The following H6PD variants were observed in gnomAD, a reference collection of about 807,000 sequenced individuals.
H6PD encodes the protein hexose-6-phosphate dehydrogenase/glucose 1-dehydrogenase.
H6PD carries 48 observed loss-of-function variants against 61.2 expected under a neutral mutation model. The ratio of observed to expected loss-of-function variants is 0.78; its 90% CI spans 0.62 to 1.00. The LOEUF (loss-of-function observed/expected upper bound fraction) is 1.00. Among genes scored for constraint, H6PD ranks in the 50% least tolerant of loss-of-function variants. The probability of loss-of-function intolerance (pLI) is 0.00; values close to 1 mark genes in which losing one functional copy is unlikely to be tolerated. For synonymous variants in H6PD, 480 were observed against 457.9 expected (o/e 1.05, Z -0.62); for missense variants, 1,093 against 1,065.0 (o/e 1.03, Z -0.37).
rs1298666408 is a variant in H6PD at position 9,269,704 on chromosome 1, C to T, written c.*4835C>T. 2 of 152,228 alleles carry T rather than the reference C, an allele frequency of 1.3e-5. No homozygotes were observed. The highest frequency in any genetic ancestry group is 1.3e-4 in the Admixed American group (2 of 15,278). The allele number at this position is 152,228 out of a possible 1,614,324, so 9.4% of individuals were successfully genotyped here. A position where few individuals can be genotyped will look rare whatever the true frequency, so the allele number is the denominator to read the frequency against. On this transcript the variant is annotated 3_prime_UTR_variant, in exon 5 of 5. Transcript: ENST00000377403. The surrounding 1 kb of genome is among the most constrained non-coding windows in gnomAD (Gnocchi z 4.3). The stretch of plus-strand genomic sequence containing the variant: ...GGCAGTCTCCCTATAAAACAAAAAC[C>T]CCACCTTCTGTGCCTTCTGCTTTAG...
intron 1 of H6PD, among the ~76,000 whole-genome samples, chr1:9,237,217 G>C (rs1056207274): frequency 2.9e-5 from 4 of 136,812 alleles, no homozygotes; most frequent in Non-Finnish European, 6.3e-5. Flanking sequence ...CTTGACCTTT[G>C]GTAAGTTATT....
At position 9,271,324 on chromosome 1, in the gene H6PD, T is replaced by C. The variant is rs1191189591; in HGVS notation, c.*6455T>C. On this transcript the variant is annotated 3_prime_UTR_variant, in exon 5 of 5. Transcript: ENST00000377403. The stretch of plus-strand genomic sequence containing the variant: ...ACGTTTATTTTTTTAAACAATAAAA[T>C]TGATTTGCCAAAATCCGGGCTTTAA... 1 of 152,232 alleles carries C rather than the reference T, an allele frequency of 6.6e-6. No individual in the cohort carries two copies. Among genetic ancestry groups the C allele is most frequent in the Non-Finnish European group, 1.5e-5 (1 of 68,030 alleles). 9.4% of individuals were successfully genotyped at this position (152,232 alleles called of 1,614,324 possible). A position where few individuals can be genotyped will look rare whatever the true frequency, so the allele number is the denominator to read the frequency against.
chr1:9,244,824 G>T, intron 1 of H6PD, 101 bp from the exon 2 acceptor site: 1 of 1,055,294 alleles, frequency 9.5e-7, no homozygotes, highest in Admixed American at 1.7e-5. Flanking sequence ...GAAACACGTG[G>T]TGGTTTCTTG....
chr1:9,262,456 C>A, intron 4 of H6PD, 128 bp downstream of exon 4: 1 of 880,832 alleles, frequency 1.1e-6, no homozygotes, highest in Non-Finnish European at 1.8e-6. Flanking sequence ...TGCTCGGAGG[C>A]AAGGATGGCA....
At chr1:9,244,644 G>A (rs1016064554) in intron 1 of H6PD, among the ~76,000 whole-genome samples, 28 of 152,188 alleles carry the variant, frequency 1.8e-4, no homozygotes, top group African/African-American at 5.1e-4. Context: ...GGCCTTTGCC[G>A]CTTTCCTATG....
At chr1:9,253,170 C>T (rs1046010079) in intron 3 of H6PD, among the ~76,000 whole-genome samples, 7 of 152,124 alleles carry the variant, frequency 4.6e-5, no homozygotes, top group Admixed American at 2.6e-4. Flanking sequence ...TCTGAAAAGA[C>T]GGAGCCAACC....
At chr1:9,246,906 AG>A (rs1641191486) in intron 2 of H6PD, 59 bp from the exon 3 acceptor site, 1 of 1,180,350 alleles carries the variant, frequency 8.5e-7, no homozygotes, top group African/African-American at 1.5e-5. Context: ...CCCGGGAGTC[AG>A]GGTTCCTCCT....
At chr1:9,241,000 G>C in intron 1 of H6PD, among the ~76,000 whole-genome samples, 1 of 152,120 alleles carries the variant, frequency 6.6e-6, no homozygotes, top group Non-Finnish European at 1.5e-5. Flanking sequence ...AGGGCAGCAG[G>C]GAGGATGACC....
chr1:9,241,754 C>G (rs1641004749), intron 1 of H6PD, among the ~76,000 whole-genome samples: 1 of 152,118 alleles, frequency 6.6e-6, no homozygotes, highest in African/African-American at 2.4e-5. Context: ...GAGCCCAGGT[C>G]CTTGGACCCC....
intron 4 of H6PD, 83 bp downstream of exon 4, chr1:9,262,411 A>G (rs1638351720): frequency 1.6e-6 from 2 of 1,283,054 alleles, no homozygotes; most frequent in African/African-American, 2.9e-5. Context: ...CCTTGGGTGG[A>G]GTGGAGGGGA....
chr1:9,243,349 T>C (rs936878259), intron 1 of H6PD, among the ~76,000 whole-genome samples: 3 of 152,228 alleles, frequency 2.0e-5, no homozygotes, highest in African/African-American at 7.2e-5. Context: ...TACCAGATTA[T>C]GGCTTCCTAA....
chr1:9,262,105 C>T lies in H6PD; in HGVS notation c.792C>T (p.Leu264=), dbSNP rs760666986. Reference sequence around the variant, plus strand: ...AGTACGGTGTCATTCGCGACGTCCTCCAGAACCATCTGACGGAGGTCCTCA... The same window carrying T: ...AGTACGGTGTCATTCGCGACGTCCTTCAGAACCATCTGACGGAGGTCCTCA... The part of the protein sequence containing the change: ...YEEYGVIRDV[L]QNHLTEVLTL... Residue 264 remains leucine (L), a synonymous_variant, in exon 4 of 5, where the codon CTC becomes CTT. Coordinates refer to ENST00000377403, the MANE Select transcript of H6PD (RefSeq NM_004285.4). The T allele has an allele frequency of 3.1e-6, 5 of 1,614,098 alleles. No individual in the cohort carries two copies. In the African/African-American group the frequency reaches 6.7e-5, roughly 22 times the overall value.
At chr1:9,259,570 G>T (rs1641648329) in intron 3 of H6PD, among the ~76,000 whole-genome samples, 1 of 151,914 alleles carries the variant, frequency 6.6e-6, no homozygotes, top group Non-Finnish European at 1.5e-5. Context: ...TGTTATTCCA[G>T]TGTTGTTACA....
intron 1 of H6PD, chr1:9,242,466 A>T: frequency 2.1e-6 from 1 of 475,000 alleles, no homozygotes; most frequent in Non-Finnish European, 2.8e-6. Context: ...GGATTTGTTT[A>T]AAGGAGTGCT....
chr1:9,258,782 T>C (rs1485762848), intron 3 of H6PD, among the ~76,000 whole-genome samples: 1 of 152,172 alleles, frequency 6.6e-6, no homozygotes, highest in Non-Finnish European at 1.5e-5. Context: ...GTTGTTATGT[T>C]GTTGTTACAC....
chr1:9,245,229 A>G lies in H6PD; in HGVS notation c.295A>G (p.Lys99Glu), dbSNP rs1486414921. 3 of 1,614,102 alleles carry G rather than the reference A, an allele frequency of 1.9e-6. No individual in the cohort carries two copies. Among genetic ancestry groups the G allele is most frequent in the African/African-American group, 2.7e-5 (2 of 74,948 alleles). The change falls in exon 2 of 5, where the codon AAG (lysine) becomes GAG (glutamate). Residue 99 changes from lysine (K) to glutamate (E), a missense_variant. Physicochemically the swap from Lys to Glu is moderately conservative, Grantham distance 56. Coordinates refer to ENST00000377403, the MANE Select transcript of H6PD (RefSeq NM_004285.4). The surrounding 1 kb of genome is among the most constrained non-coding windows in gnomAD (Gnocchi z 4.8). ...GGCACCCAGTCACTGTGCAGAGCAC[A>G]AGGATCAGTTCCTGCAGCTGAGCCA... ...DMAPSHCAEH[K>E]DQFLQLSQYR... is the part of the protein sequence containing the mutation.
At chr1:9,242,671 C>T (rs1641033106) in intron 1 of H6PD, 3 of 985,448 alleles carry the variant, frequency 3.0e-6, no homozygotes, top group Non-Finnish European at 3.6e-6. Flanking sequence ...GCCCTTGGGG[C>T]TCCCCCACCT....
In H6PD at chr1:9,266,184, CAGG is replaced by C. The variant is rs1441064032; in HGVS notation, c.*1316_*1318del. On this transcript the variant is annotated 3_prime_UTR_variant, in exon 5 of 5. Coordinates refer to ENST00000377403, the MANE Select transcript of H6PD (RefSeq NM_004285.4). ...CCAGACAGGAGCTAGGCCTCACTGG[CAGG>C]GGGGCTGCCCACAGCCTTTTCAGGG... The C allele has an allele frequency of 6.6e-6, 1 of 152,320 alleles. No individual in the cohort carries two copies. Among genetic ancestry groups the C allele is most frequent in the Non-Finnish European group, 1.5e-5 (1 of 68,118 alleles). 9.4% of individuals were successfully genotyped at this position (152,320 alleles called of 1,614,324 possible).
rs1252512729 is a variant in H6PD at position 9,245,409 on chromosome 1, A to C, written c.475A>C (p.Ser159Arg). 54 of 1,614,000 alleles carry C rather than the reference A, an allele frequency of 3.3e-5. No individual in the cohort carries two copies. The highest frequency in any genetic ancestry group is 4.3e-5 in the Non-Finnish European group (51 of 1,180,006). Residue 159 changes from serine (S) to arginine (R), a missense_variant, in exon 2 of 5, where the codon AGC becomes CGC. By Grantham distance (110) the Ser-to-Arg change is moderately radical. Transcript: ENST00000377403. The surrounding 1 kb of genome is among the most constrained non-coding windows in gnomAD (Gnocchi z 4.8). ...AGACATTGCCCGCAACATCAACAGT[A>C]GCTGCCGGCCAGGCCCGGGCGCCTG... ...YEDIARNINS[S>R]CRPGPGAWLR... is the part of the protein sequence containing the mutation.
Sources: gnomAD v4.1 joint callset for allele counts (sites outside exome capture counted in the v4.1 genomes callset) on GRCh38, gnomAD v4.1.1 for gene constraint, Gnocchi (gnomAD v3.1) non-coding constraint, MANE v1.5 for transcripts, NCBI Gene and HGNC (gene_info 2026-07-23, HGNC 2026-07-21) for gene names.